METTL8: variants seen among roughly 807,000 people sequenced by gnomAD.
METTL8 encodes methyltransferase 8, tRNA N3-cytidine.
METTL8 carries 32 observed loss-of-function variants against 48.7 expected under a neutral mutation model. The observed-to-expected ratio is 0.66, with a 90% CI of 0.50 to 0.88. The LOEUF (loss-of-function observed/expected upper bound fraction) is 0.88. Ranked by LOEUF, METTL8 falls within the 40% of genes least tolerant of loss-of-function variation. The pLI, the probability that METTL8 is intolerant of heterozygous loss-of-function variation, is 0.00. For missense variants in METTL8, 464 were observed against 474.4 expected (o/e 0.98, Z 0.20); for synonymous variants, 136 against 157.1 (o/e 0.87, Z 1.01).
intron 2 of METTL8, among the ~76,000 whole-genome samples, chr2:171,368,324 A>T (rs757676294): frequency 1.3e-5 from 2 of 152,190 alleles, no homozygotes; most frequent in East Asian, 1.9e-4. Flanking sequence ...TTTTTCATGG[A>T]ATGCTATTTT....
intron 5 of METTL8, among the ~76,000 whole-genome samples, chr2:171,334,936 A>G (rs561068755): frequency 2.0e-5 from 3 of 152,370 alleles, no homozygotes; most frequent in African/African-American, 4.8e-5. Context: ...AAGGAATATA[A>G]AAAGTGGTCG....
chr2:171,425,835 T>C (rs1278852435), intron 1 of METTL8, among the ~76,000 whole-genome samples: 1 of 152,158 alleles, frequency 6.6e-6, no homozygotes, highest in African/African-American at 2.4e-5. Flanking sequence ...GGGATAAGAA[T>C]GTCTATAACA....
intron 3 of METTL8, among the ~76,000 whole-genome samples, chr2:171,342,148 C>A (rs996761617): frequency 6.6e-6 from 1 of 152,232 alleles, no homozygotes; most frequent in African/African-American, 2.4e-5. Flanking sequence ...TGTCCTGAGG[C>A]CCTTATAATT....
intron 2 of METTL8, among the ~76,000 whole-genome samples, chr2:171,386,213 T>C (rs915227084): frequency 6.6e-6 from 1 of 152,104 alleles, no homozygotes; most frequent in African/African-American, 2.4e-5. Flanking sequence ...TAGGGTCTAA[T>C]GAAGAAAACA....
chr2:171,407,695 C>A (rs1353595085), intron 1 of METTL8, among the ~76,000 whole-genome samples: 2 of 152,192 alleles, frequency 1.3e-5, no homozygotes, highest in African/African-American at 4.8e-5. Context: ...GTTTGTCCAA[C>A]CAAGGTCCTA....
At chr2:171,368,858 G>A (rs373012313) in intron 2 of METTL8, among the ~76,000 whole-genome samples, 1 of 151,710 alleles carries the variant, frequency 6.6e-6, no homozygotes, top group Non-Finnish European at 1.5e-5. Context: ...GTAATATAGT[G>A]AGACCCGGTC....
chr2:171,406,865 C>CTTT (rs746313050), intron 1 of METTL8, among the ~76,000 whole-genome samples: 3 of 144,230 alleles, frequency 2.1e-5, no homozygotes, highest in East Asian at 2.0e-4. Flanking sequence ...TTAAATTCCT[C>CTTT]TTTTTTTTTT....
At chr2:171,430,754 C>G (rs534601098) in intron 1 of METTL8, among the ~76,000 whole-genome samples, 1 of 152,252 alleles carries the variant, frequency 6.6e-6, no homozygotes, top group South Asian at 2.1e-4. Context: ...AAGCTGAAGA[C>G]AGCTTAAAGC....
chr2:171,336,301 T>C (rs571849700), intron 5 of METTL8, among the ~76,000 whole-genome samples: 1 of 151,024 alleles, frequency 6.6e-6, no homozygotes, highest in East Asian at 1.9e-4. Context: ...TTCACTATGT[T>C]GGCCAGGCTG....
chr2:171,383,837 A>C (rs1373732612), intron 2 of METTL8, among the ~76,000 whole-genome samples: 1 of 152,242 alleles, frequency 6.6e-6, no homozygotes, highest in African/African-American at 2.4e-5. Context: ...GACAATAGGC[A>C]AAATGTAAAA....
chr2:171,401,067 A>C (rs1462404740), intron 1 of METTL8, among the ~76,000 whole-genome samples: 1 of 151,996 alleles, frequency 6.6e-6, no homozygotes, highest in African/African-American at 2.4e-5. Context: ...AATTAGTGAG[A>C]CGTTCATGTT....
chr2:171,422,887 T>C (rs182829964), intron 1 of METTL8, among the ~76,000 whole-genome samples: 2 of 152,202 alleles, frequency 1.3e-5, no homozygotes, highest in African/African-American at 4.8e-5. Context: ...AGAGTCAACA[T>C]GGTATCACCT....
In METTL8 at chr2:171,363,187, G is replaced by A. The variant is rs1041516886; in HGVS notation, c.144-2674C>T. ...CATTTTCTTAACTGCTAAGTGAGGG[G>A]AATAGTATATCCTAAGTTCCTGCAG... On this transcript the variant is annotated intron_variant, in intron 2 of 9. Coordinates refer to ENST00000375258, the MANE Select transcript of METTL8 (RefSeq NM_001321154.2). Among the ~76,000 whole-genome samples the A allele has an allele frequency of 4.6e-5, 7 of 151,452 alleles. No homozygotes were observed. In the South Asian group the frequency reaches 1.5e-3, roughly 32 times the overall value.
intron 1 of METTL8, among the ~76,000 whole-genome samples, chr2:171,397,059 G>C (rs1157603000): frequency 6.7e-6 from 1 of 150,332 alleles, no homozygotes; most frequent in Non-Finnish European, 1.5e-5. Flanking sequence ...TAGGCTCAAG[G>C]GATCCTCCCA....
intron 3 of METTL8, among the ~76,000 whole-genome samples, chr2:171,355,898 C>T (rs950114228): frequency 5.3e-5 from 8 of 152,154 alleles, no homozygotes; most frequent in African/African-American, 9.7e-5. Context: ...AGGGAATTCC[C>T]GGAACCCTTG....
At chr2:171,340,653 C>G (rs990010881) in intron 3 of METTL8, among the ~76,000 whole-genome samples, 2 of 152,028 alleles carry the variant, frequency 1.3e-5, no homozygotes, top group Non-Finnish European at 2.9e-5. Flanking sequence ...GGTGATCAGA[C>G]AGGAAATTTC....
intron 2 of METTL8, chr2:171,375,225 C>G: frequency 7.7e-7 from 1 of 1,301,324 alleles, no homozygotes; most frequent in Non-Finnish European, 1.1e-6. Flanking sequence ...GAATAGGATG[C>G]ACGTGGCCGC....
intron 3 of METTL8, among the ~76,000 whole-genome samples, chr2:171,346,466 A>G (rs1687274990): frequency 6.6e-6 from 1 of 152,212 alleles, no homozygotes; most frequent in South Asian, 2.1e-4. Flanking sequence ...AGCTGAGACA[A>G]TATGTGAGAA....
At chr2:171,415,978 GGTAACAGGAGAATGTGGGAAACCAACA>G (rs1691276750) in intron 1 of METTL8, among the ~76,000 whole-genome samples, 1 of 152,144 alleles carries the variant, frequency 6.6e-6, no homozygotes, top group South Asian at 2.1e-4. Flanking sequence ...AAAGGAAAAG[GGTAACAGGAGAATGTGGGAAACCAACA>G]GCCCATGCTA....
Sources: allele counts gnomAD v4.1 joint callset (sites outside exome capture counted in the v4.1 genomes callset), GRCh38; gene constraint gnomAD v4.1.1; transcripts MANE v1.5; gene names NCBI Gene and HGNC (gene_info 2026-07-23, HGNC 2026-07-21).